OC90: variants seen among roughly 807,000 people sequenced by gnomAD.
OC90 encodes the protein otoconin-90.
In OC90, 46 loss-of-function variants were observed where a neutral mutation model predicts 47.3. The observed-to-expected ratio is 0.97, with a 90% CI of 0.77 to 1.24. The LOEUF (loss-of-function observed/expected upper bound fraction) is 1.24. OC90 is among the 50% of genes most tolerant of loss of function. OC90 has a pLI of 0.00. For missense variants in OC90, 688 were observed against 583.9 expected, an observed-to-expected ratio of 1.18 and a Z score of -1.84; for synonymous variants, 271 against 219.5, an observed-to-expected ratio of 1.23 and a Z score of -2.07.
At position 132,044,486 on chromosome 8, in the gene OC90, A is replaced by G. The variant is rs1312655252; in HGVS notation, c.116T>C (p.Ile39Thr). 1 of 1,540,412 alleles carries G rather than the reference A, an allele frequency of 6.5e-7. No homozygotes were observed. Residue 39 changes from isoleucine to threonine, a missense_variant, in exon 4 of 14, where the codon ATC (isoleucine) becomes ACC (threonine). Transcript: ENST00000254627. ...TTTAAACATCCCACTGAAGAAAGTG[A>G]TATCTAAGTGTAAGAAAGAAAACAA... ...LPPGLPNNIN[I>T]TFFSGMFKNV...
At chr8:132,032,743 G>T (rs1004032809) in intron 11 of OC90, among the ~76,000 whole-genome samples, 1 of 152,132 alleles carries the variant, frequency 6.6e-6, no homozygotes, top group East Asian at 1.9e-4. Flanking sequence ...AATAAAGCAC[G>T]GTGTGGACGA....
chr8:132,059,279 T>TCCTC (rs746371222), intron 1 of OC90, 62 bp downstream of exon 1: 9 of 141,168 alleles, frequency 6.4e-5, no homozygotes, highest in African/African-American at 1.1e-4. Flanking sequence ...CTTGCTGTCT[T>TCCTC]CCTCCCTCCC....
chr8:132,047,302 G>A (rs991569227), intron 2 of OC90, among the ~76,000 whole-genome samples: 3 of 148,152 alleles, frequency 2.0e-5, no homozygotes, highest in South Asian at 2.2e-4. Context: ...ACTTATTAAT[G>A]CGTATTTTTA....
At chr8:132,037,157 A>T (rs1471470169) in intron 9 of OC90, among the ~76,000 whole-genome samples, 1 of 152,158 alleles carries the variant, frequency 6.6e-6, no homozygotes, top group African/African-American at 2.4e-5. Context: ...TGTGACAGAG[A>T]CCCTGTGGCT....
chr8:132,038,649 C>T, intron 8 of OC90, 141 bp downstream of exon 8: 1 of 701,540 alleles, frequency 1.4e-6, no homozygotes, highest in Non-Finnish European at 2.5e-6. Flanking sequence ...CATCTCCTAG[C>T]CAGAGAAGGC....
At chr8:132,052,038 GTGTT>G (rs79930113) in intron 2 of OC90, among the ~76,000 whole-genome samples, 34,177 of 151,950 alleles carry the variant, frequency 0.22, 4,105 homozygotes, top group South Asian at 0.29. Flanking sequence ...TTTGCTTTGG[GTGTT>G]TGTGAGGCTG....
chr8:132,032,246 C>T (rs965052852), intron 11 of OC90, among the ~76,000 whole-genome samples, 194 bp from the exon 12 acceptor site: 6 of 152,166 alleles, frequency 3.9e-5, no homozygotes, highest in African/African-American at 7.2e-5. Flanking sequence ...CATTGTCTTT[C>T]GGAGAGCAAG....
intron 13 of OC90, among the ~76,000 whole-genome samples, chr8:132,025,317 T>C (rs1822741234): frequency 6.6e-6 from 1 of 152,184 alleles, no homozygotes; most frequent in Admixed American, 6.5e-5. Flanking sequence ...AAGAGATACC[T>C]TGAGCTTGTG....
intron 12 of OC90, among the ~76,000 whole-genome samples, chr8:132,031,038 G>C (rs1176292280): frequency 6.6e-6 from 1 of 152,024 alleles, no homozygotes. Context: ...CTCTCCATTG[G>C]CCGTGGACAG....
intron 9 of OC90, among the ~76,000 whole-genome samples, chr8:132,036,132 A>C (rs766335675): frequency 1.3e-5 from 2 of 152,248 alleles, no homozygotes; most frequent in South Asian, 4.1e-4. Context: ...AAAGGAAAGA[A>C]ATAGTCTTAC....
intron 1 of OC90, among the ~76,000 whole-genome samples, chr8:132,056,707 C>T (rs1823283804): frequency 6.6e-6 from 1 of 152,160 alleles, no homozygotes; most frequent in African/African-American, 2.4e-5. Flanking sequence ...CAAGAGAGGT[C>T]TCCAAATGGA....
In OC90 at chr8:132,042,682, C is replaced by T. The variant is rs138505072; in HGVS notation, c.170-983G>A. Among the ~76,000 whole-genome samples, 34 of 152,264 alleles carry T rather than the reference C, an allele frequency of 2.2e-4. No individual in the cohort carries two copies. The East Asian group carries it at 3.9e-3, about 17-fold the overall frequency. On this transcript the variant is annotated intron_variant, in intron 4 of 13. Coordinates refer to ENST00000254627, the MANE Select transcript of OC90 (RefSeq NM_001080399.3). ...CACTTAGGATAATGGCCTCAAACTC[C>T]CTCCATGCTAAATGCAAATCCAAAC... is the stretch of plus-strand genomic sequence containing the variant.
intron 9 of OC90, among the ~76,000 whole-genome samples, chr8:132,036,828 T>C (rs556863330): frequency 1.3e-5 from 2 of 152,374 alleles, no homozygotes; most frequent in Admixed American, 6.5e-5. Context: ...AATTATTCCA[T>C]AGGCGTGTAT....
At chr8:132,044,602 A>T in intron 3 of OC90, 113 bp from the exon 4 acceptor site, 1 of 667,776 alleles carries the variant, frequency 1.5e-6, no homozygotes, top group Non-Finnish European at 2.6e-6. Context: ...CCAAAGAAAA[A>T]ATTGACCTTG....
rs757541686 is a variant in OC90, at chr8:132,041,710, G to A, written c.170-11C>T. 6.7e-5 allele frequency: 102 copies of A among 1,529,324 alleles called. 2 individuals carry two copies. The highest frequency in any genetic ancestry group is 6.7e-5 in the Non-Finnish European group (74 of 1,108,024). The allele number at this position is 1,529,324 out of a possible 1,614,324, so 94.7% of individuals were successfully genotyped here. On this transcript the variant is annotated splice_polypyrimidine_tract_variant and intron_variant, in intron 4 of 13. Transcript: ENST00000254627. ...GGGGGCCCAGGCAATCTGTGGGGGTGGGGGGCAGGGCCTGATAAGCACTGG... is the reference window on the plus strand; with the variant it reads ...GGGGGCCCAGGCAATCTGTGGGGGTAGGGGGCAGGGCCTGATAAGCACTGG...
intron 4 of OC90, among the ~76,000 whole-genome samples, chr8:132,042,247 T>C (rs1174804632): frequency 2.0e-5 from 3 of 152,122 alleles, no homozygotes; most frequent in African/African-American, 7.2e-5. Context: ...AACAATATGT[T>C]CAGGGTAGCA....
chr8:132,053,613 C>A (rs1215676212), intron 2 of OC90, among the ~76,000 whole-genome samples: 4 of 152,196 alleles, frequency 2.6e-5, no homozygotes, highest in African/African-American at 9.7e-5. Flanking sequence ...TTGCACAAAA[C>A]CCACCTTTTT....
intron 13 of OC90, among the ~76,000 whole-genome samples, chr8:132,028,340 A>G (rs1822791764): frequency 6.6e-6 from 1 of 151,886 alleles, no homozygotes; most frequent in Non-Finnish European, 1.5e-5. Context: ...CGTCTCTACT[A>G]AAAATACAAA....
At chr8:132,057,068 T>C (rs1397560610) in intron 1 of OC90, among the ~76,000 whole-genome samples, 1 of 152,200 alleles carries the variant, frequency 6.6e-6, no homozygotes, top group African/African-American at 2.4e-5. Flanking sequence ...TGTGAGGCTG[T>C]TGTGAAGACT....
Sources: gnomAD v4.1 joint callset for allele counts (sites outside exome capture counted in the v4.1 genomes callset) on GRCh38, gnomAD v4.1.1 for gene constraint, MANE v1.5 for transcripts, NCBI Gene and HGNC (gene_info 2026-07-23, HGNC 2026-07-21) for gene names.